Variants in AUTS2 observed in about 807,000 individuals in gnomAD.
The protein encoded by AUTS2 is activator of transcription and developmental regulator AUTS2.
Under a neutral mutation model 112.4 loss-of-function variants are expected in AUTS2, and 17 were observed. That is an observed-to-expected ratio of 0.15 (90% CI 0.10 to 0.23). The LOEUF (loss-of-function observed/expected upper bound fraction) is 0.23. Among genes scored for constraint, AUTS2 ranks in the 10% least tolerant of loss-of-function variants. The pLI, the probability that AUTS2 is intolerant of heterozygous loss-of-function variation, is 1.00. For synonymous variants in AUTS2, 751 were observed against 702.7 expected, an observed-to-expected ratio of 1.07 and a Z score of -1.09; for missense variants, 1,510 against 1,701.6, an observed-to-expected ratio of 0.89 and a Z score of 1.98.
intron 1 of AUTS2, among the ~76,000 whole-genome samples, chr7:69,851,511 A>G (rs1400307708): frequency 6.6e-6 from 1 of 152,184 alleles, no homozygotes. Flanking sequence ...TCGCCTCCCA[A>G]AGTGCCAGGA....
Position 70,048,163 on chromosome 7 carries a change from C to T in AUTS2, c.523-69969C>T, listed in dbSNP as rs190145551. Among the ~76,000 whole-genome samples, 56 of 152,280 alleles carry T rather than the reference C, an allele frequency of 3.7e-4. No individual in the cohort carries two copies. The East Asian group carries it at 5.6e-3, about 15-fold the overall frequency. ...AGGCCCTTTAGGGTTTTTTTCTGTA[C>T]TTTGTTAGTCTCCTTTACAAAAGTT... On this transcript the variant is annotated intron_variant, in intron 2 of 18. Transcript: ENST00000342771.
intron 4 of AUTS2, among the ~76,000 whole-genome samples, chr7:70,234,729 ATGT>A (rs1248989731): frequency 6.6e-6 from 1 of 152,154 alleles, no homozygotes; most frequent in African/African-American, 2.4e-5. Flanking sequence ...GGTCCTTTGA[ATGT>A]TGTTGTGCTA....
intron 4 of AUTS2, among the ~76,000 whole-genome samples, chr7:70,377,505 A>G (rs1443537676): frequency 6.7e-6 from 1 of 150,326 alleles, no homozygotes; most frequent in Non-Finnish European, 1.5e-5. Context: ...CATTTTAACA[A>G]TTTTTAAATG....
At chr7:70,374,026 A>G (rs1792970435) in intron 4 of AUTS2, among the ~76,000 whole-genome samples, 1 of 152,156 alleles carries the variant, frequency 6.6e-6, no homozygotes, top group South Asian at 2.1e-4. Context: ...CTGCAACTAA[A>G]ATGCAGTGTT....
chr7:70,001,752 C>T (rs971860395), intron 2 of AUTS2, among the ~76,000 whole-genome samples: 1 of 149,786 alleles, frequency 6.7e-6, no homozygotes, highest in Non-Finnish European at 1.5e-5. Flanking sequence ...CACTCTGCCA[C>T]CAGGCTGGAA....
chr7:69,709,299 T>C (rs117290416), intron 1 of AUTS2, among the ~76,000 whole-genome samples: 170 of 152,318 alleles, frequency 1.1e-3, no homozygotes, highest in Non-Finnish European at 2.2e-3. Flanking sequence ...CTTCTTCCTA[T>C]GTGAATCACA....
rs372171293 is a variant in AUTS2, at chr7:69,901,672, TA to T, written c.522+2178del. 8.7e-3 allele frequency among the ~76,000 whole-genome samples: 1,330 copies of T among 152,344 alleles called. 11 individuals are homozygous for T. The highest frequency in any genetic ancestry group is 0.027 in the Middle Eastern group (8 of 294). On this transcript the variant is annotated intron_variant, in intron 2 of 18. Transcript: ENST00000342771. Reference sequence around the variant, plus strand: ...CATGAATTGTATCTTTGGCCCTATGTAAAACTTTTAAAAACAAGGAGTATTT... The same window carrying T: ...CATGAATTGTATCTTTGGCCCTATGTAAACTTTTAAAAACAAGGAGTATTT...
intron 1 of AUTS2, among the ~76,000 whole-genome samples, chr7:69,776,871 C>T (rs190901461): frequency 2.6e-5 from 4 of 152,234 alleles, no homozygotes; most frequent in Admixed American, 2.0e-4. Flanking sequence ...TGAATACAAC[C>T]GTGGAACCAC....
chr7:70,176,286 T>C (rs997349989), intron 4 of AUTS2, among the ~76,000 whole-genome samples: 2 of 152,176 alleles, frequency 1.3e-5, no homozygotes, highest in African/African-American at 4.8e-5. Flanking sequence ...AATTATACAA[T>C]AGTAGTAGTA....
At chr7:69,897,052 A>G (rs1426101668) in intron 1 of AUTS2, among the ~76,000 whole-genome samples, 2 of 152,230 alleles carry the variant, frequency 1.3e-5, no homozygotes, top group African/African-American at 4.8e-5. Flanking sequence ...TCCCCACACC[A>G]TTATCATCCT....
intron 3 of AUTS2, among the ~76,000 whole-genome samples, chr7:70,127,038 G>A (rs900880749): frequency 6.6e-6 from 1 of 152,114 alleles, no homozygotes; most frequent in Non-Finnish European, 1.5e-5. Context: ...TGTTGGCCAG[G>A]CTGCTCTCGA....
intron 5 of AUTS2, among the ~76,000 whole-genome samples, chr7:70,620,080 T>G (rs1804589175): frequency 6.6e-6 from 1 of 152,072 alleles, no homozygotes; most frequent in South Asian, 2.1e-4. Flanking sequence ...TACCTGCACC[T>G]CTCCCTTAAC....
chr7:70,701,396 A>G (rs1809450680), intron 6 of AUTS2, among the ~76,000 whole-genome samples: 1 of 152,248 alleles, frequency 6.6e-6, no homozygotes, highest in Non-Finnish European at 1.5e-5. Context: ...ATTTTCAATC[A>G]TAACAAAACC....
At chr7:70,402,144 G>T (rs1487277807) in intron 4 of AUTS2, among the ~76,000 whole-genome samples, 1 of 152,260 alleles carries the variant, frequency 6.6e-6, no homozygotes, top group African/African-American at 2.4e-5. Flanking sequence ...TGTTTTGGAG[G>T]CACCTCCAGG....
intron 4 of AUTS2, among the ~76,000 whole-genome samples, chr7:70,166,749 C>T (rs1167856304): frequency 6.6e-6 from 1 of 151,984 alleles, no homozygotes; most frequent in Admixed American, 6.6e-5. Context: ...TATAATAGTA[C>T]ATAGATACCA....
chr7:70,284,876 T>C (rs529825985), intron 4 of AUTS2, among the ~76,000 whole-genome samples: 30 of 152,320 alleles, frequency 2.0e-4, no homozygotes, highest in African/African-American at 7.0e-4. Flanking sequence ...TTCTGAGGAA[T>C]ACTGAAATCA....
chr7:70,466,069 A>G (rs974243883), intron 5 of AUTS2, among the ~76,000 whole-genome samples: 5 of 152,150 alleles, frequency 3.3e-5, no homozygotes, highest in Admixed American at 2.0e-4. Context: ...CTGTGTGATC[A>G]GTGATTTTAA....
chr7:70,753,908 G>A (rs550310136), intron 6 of AUTS2, among the ~76,000 whole-genome samples: 60 of 152,258 alleles, frequency 3.9e-4, no homozygotes, highest in African/African-American at 1.2e-3. Context: ...TGTAATCCCC[G>A]CACTTTGGGA....
intron 5 of AUTS2, among the ~76,000 whole-genome samples, chr7:70,693,008 G>A (rs1318731029): frequency 6.6e-6 from 1 of 152,144 alleles, no homozygotes; most frequent in Admixed American, 6.5e-5. Context: ...ACCCCACCTT[G>A]GTGTGCCCAC....
Sources: allele counts gnomAD v4.1 joint callset (sites outside exome capture counted in the v4.1 genomes callset), GRCh38; gene constraint gnomAD v4.1.1; transcripts MANE v1.5; gene names NCBI Gene and HGNC (gene_info 2026-07-23, HGNC 2026-07-21).